Variants in MGMT observed in about 807,000 individuals in gnomAD.
The protein encoded by MGMT is methylated-DNA--protein-cysteine methyltransferase.
Under a neutral mutation model 15.9 loss-of-function variants are expected in MGMT, and 14 were observed. The observed-to-expected ratio is 0.88, with a 90% CI of 0.58 to 1.37. MGMT has a LOEUF of 1.37. Ranked by LOEUF, MGMT falls within the 40% of genes most tolerant of loss-of-function variation. MGMT has a pLI of 0.00. For missense variants in MGMT, 282 were observed against 268.1 expected (o/e 1.05, Z -0.36); for synonymous variants, 130 against 118.2 (o/e 1.10, Z -0.65).
chr10:129,606,563 A>G (rs2133065351), intron 2 of MGMT, among the ~76,000 whole-genome samples: 1 of 152,356 alleles, frequency 6.6e-6, no homozygotes, highest in Admixed American at 6.5e-5. Flanking sequence ...TTGTGCCTGC[A>G]AAATTGTTAT....
At chr10:129,741,445 C>T (rs1848631724) in intron 3 of MGMT, among the ~76,000 whole-genome samples, 3 of 152,176 alleles carry the variant, frequency 2.0e-5, no homozygotes, top group Admixed American at 2.0e-4. Context: ...TGAGGGCTCC[C>T]CTGCATGGGA....
intron 4 of MGMT, 77 bp downstream of exon 4, chr10:129,759,418 T>C (rs534154415): frequency 6.5e-5 from 104 of 1,597,404 alleles, no homozygotes; most frequent in Admixed American, 3.9e-4. Context: ...ATCCCACGTG[T>C]TTCCTCGGAA....
At chr10:129,497,324 C>CGGCACT (rs1564834713) in intron 1 of MGMT, among the ~76,000 whole-genome samples, 1 of 152,128 alleles carries the variant, frequency 6.6e-6, no homozygotes, top group Non-Finnish European at 1.5e-5. Context: ...TCAGCTGGTC[C>CGGCACT]GGCACTGCAG....
intron 2 of MGMT, among the ~76,000 whole-genome samples, chr10:129,698,321 G>T (rs1192247703): frequency 6.6e-6 from 1 of 152,206 alleles, no homozygotes; most frequent in East Asian, 1.9e-4. Context: ...CAGGCATGCA[G>T]TGTTGATCTC....
At chr10:129,655,465 G>C (rs530574147) in intron 2 of MGMT, among the ~76,000 whole-genome samples, 1 of 152,144 alleles carries the variant, frequency 6.6e-6, no homozygotes, top group African/African-American at 2.4e-5. Context: ...GCCTCATCCC[G>C]GAAGCTGGTG....
chr10:129,740,104 A>G (rs1019512788), intron 3 of MGMT, among the ~76,000 whole-genome samples: 4 of 152,268 alleles, frequency 2.6e-5, no homozygotes, highest in Non-Finnish European at 4.4e-5. Flanking sequence ...AGAGCCAAGA[A>G]TCAGTCTGCA....
At chr10:129,669,688 A>C (rs1199614192) in intron 2 of MGMT, among the ~76,000 whole-genome samples, 1 of 152,218 alleles carries the variant, frequency 6.6e-6, no homozygotes, top group Non-Finnish European at 1.5e-5. Context: ...GATCCACAAA[A>C]AACAAAACAC....
At chr10:129,696,311 T>G (rs1223128584) in intron 2 of MGMT, among the ~76,000 whole-genome samples, 2 of 104,564 alleles carry the variant, frequency 1.9e-5, no homozygotes, top group African/African-American at 8.7e-5. Context: ...TGAAGTCGAT[T>G]GCATTATATC....
rs767414747 is a variant in MGMT, at chr10:129,766,902, G to C, written c.529G>C (p.Gly177Arg). 2 of 1,613,518 alleles carry C rather than the reference G, an allele frequency of 1.2e-6. No individual in the cohort carries two copies. Among genetic ancestry groups the C allele is most frequent in the African/African-American group, 2.7e-5 (2 of 75,086 alleles). ...TCTGGCCCATGAAGGCCACCGGTTG[G>C]GGAAGCCAGGCTTGGGAGGGAGCTC... ...WLLAHEGHRL[G>R]KPGLGGSSGL... Residue 177 changes from glycine (G) to arginine (R), a missense_variant, in exon 5 of 5, where the codon GGG becomes CGG. Transcript: ENST00000651593.
At chr10:129,519,096 A>G (rs548756597) in intron 1 of MGMT, among the ~76,000 whole-genome samples, 1 of 152,262 alleles carries the variant, frequency 6.6e-6, no homozygotes, top group South Asian at 2.1e-4. Flanking sequence ...GACTACTATA[A>G]ATTATGTTTT....
At chr10:129,711,722 G>C (rs1848235190) in intron 3 of MGMT, among the ~76,000 whole-genome samples, 1 of 151,988 alleles carries the variant, frequency 6.6e-6, no homozygotes, top group Non-Finnish European at 1.5e-5. Flanking sequence ...TGTGACCGAG[G>C]GCTAGCATCT....
At chr10:129,498,564 G>T (rs1163795617) in intron 1 of MGMT, among the ~76,000 whole-genome samples, 1 of 152,002 alleles carries the variant, frequency 6.6e-6, no homozygotes. Flanking sequence ...TAATTTCTGG[G>T]GTATAGTCCA....
At chr10:129,601,464 C>T (rs1467591301) in intron 2 of MGMT, among the ~76,000 whole-genome samples, 1 of 152,164 alleles carries the variant, frequency 6.6e-6, no homozygotes, top group African/African-American at 2.4e-5. Flanking sequence ...GCTCACTGCT[C>T]TTGGAAGGAG....
chr10:129,541,161 T>C (rs1846038672), intron 2 of MGMT, among the ~76,000 whole-genome samples: 1 of 152,278 alleles, frequency 6.6e-6, no homozygotes, highest in South Asian at 2.1e-4. Context: ...CACTTACCTG[T>C]GTGTGGCTTC....
intron 3 of MGMT, among the ~76,000 whole-genome samples, chr10:129,718,854 T>C (rs915134678): frequency 7.9e-5 from 12 of 151,352 alleles, no homozygotes; most frequent in African/African-American, 1.7e-4. Context: ...GTCTGTATGC[T>C]TGCTCAGGCA....
intron 3 of MGMT, among the ~76,000 whole-genome samples, chr10:129,741,770 G>T (rs144715702): frequency 6.6e-6 from 1 of 152,226 alleles, no homozygotes; most frequent in African/African-American, 2.4e-5. Context: ...GCCCTGAGTC[G>T]GTTGAGACTC....
chr10:129,727,179 G>T (rs1848443657), intron 3 of MGMT, among the ~76,000 whole-genome samples: 1 of 152,186 alleles, frequency 6.6e-6, no homozygotes, highest in Non-Finnish European at 1.5e-5. Context: ...ATGGAGTCAG[G>T]TCTGGCCCCA....
intron 2 of MGMT, among the ~76,000 whole-genome samples, chr10:129,635,150 A>G (rs1439860288): frequency 1.3e-5 from 2 of 152,340 alleles, no homozygotes; most frequent in African/African-American, 4.8e-5. Context: ...CTGCAAGAGC[A>G]GCGGTTACCA....
chr10:129,560,717 A>G (rs918737819), intron 2 of MGMT, among the ~76,000 whole-genome samples: 4 of 152,250 alleles, frequency 2.6e-5, no homozygotes, highest in Admixed American at 6.5e-5. Flanking sequence ...TTAACCAGTG[A>G]CACATTCATC....
Sources: allele counts gnomAD v4.1 joint callset (sites outside exome capture counted in the v4.1 genomes callset), GRCh38; gene constraint gnomAD v4.1.1; transcripts MANE v1.5; gene names NCBI Gene and HGNC (gene_info 2026-07-23, HGNC 2026-07-21).